The following TRIM31 variants were observed in gnomAD, a reference collection of about 807,000 sequenced individuals.
The protein encoded by TRIM31 is E3 ubiquitin-protein ligase TRIM31.
TRIM31 carries 31 observed loss-of-function variants against 40.6 expected under a neutral mutation model. The ratio of observed to expected loss-of-function variants is 0.76; its 90% CI spans 0.57 to 1.03. TRIM31 has a LOEUF of 1.03. Among genes scored for constraint, TRIM31 ranks in the 50% least tolerant of loss-of-function variants. The pLI, the probability that TRIM31 is intolerant of heterozygous loss-of-function variation, is 0.00. For missense variants in TRIM31, 455 were observed against 497.5 expected, an observed-to-expected ratio of 0.91 and a Z score of 0.81; for synonymous variants, 164 against 193.9, an observed-to-expected ratio of 0.85 and a Z score of 1.28.
At chr6:30,107,970 G>T in intron 6 of TRIM31, 83 bp downstream of exon 6, 2 of 944,496 alleles carry the variant, frequency 2.1e-6, no homozygotes, top group Non-Finnish European at 3.3e-6. Flanking sequence ...GCATGTATGA[G>T]TCACAGTTCC....
In TRIM31 at chr6:30,102,999, A is replaced by T. The variant is rs905710498; in HGVS notation, c.*537T>A. ...GTCTGCTAAATATTTCAGAATGGGG[A>T]CCTCATTCTATCTACTGATTTATCA... is the stretch of plus-strand genomic sequence containing the variant. On this transcript the variant is annotated 3_prime_UTR_variant, in exon 9 of 9. Transcript: ENST00000376734. The T allele has an allele frequency of 1.3e-5, 2 of 158,840 alleles. No individual in the cohort carries two copies. Among genetic ancestry groups the T allele is most frequent in the Admixed American group, 1.2e-4 (2 of 16,592 alleles). The allele number at this position is 158,840 out of a possible 1,614,324, so 9.8% of individuals were successfully genotyped here. A position where few individuals can be genotyped will look rare whatever the true frequency, so the allele number is the denominator to read the frequency against.
At chr6:30,105,063 G>T in intron 7 of TRIM31, 105 bp downstream of exon 7, 2 of 956,610 alleles carry the variant, frequency 2.1e-6, no homozygotes, top group African/African-American at 1.6e-5. Flanking sequence ...TGAGGAATCG[G>T]CATTCACTTA....
chr6:30,109,266 G>GAAC (rs1769056813), intron 4 of TRIM31, among the ~76,000 whole-genome samples: 1 of 152,188 alleles, frequency 6.6e-6, no homozygotes, highest in Non-Finnish European at 1.5e-5. Context: ...ACCTCAAGAA[G>GAAC]AACTGAGTGA....
intron 2 of TRIM31, chr6:30,112,066 G>T: frequency 3.7e-6 from 2 of 546,676 alleles, no homozygotes; most frequent in Non-Finnish European, 3.2e-6. Flanking sequence ...TTTGCCATTT[G>T]AAAGGTGAGG....
rs115523788 is a variant in TRIM31, at chr6:30,103,185, T to C, written c.*351A>G. 5.7e-6 allele frequency: 2 copies of C among 347,902 alleles called. No individual in the cohort carries two copies. Among genetic ancestry groups the C allele is most frequent in the South Asian group, 4.1e-5 (1 of 24,146 alleles). 21.6% of individuals were successfully genotyped at this position (347,902 alleles called of 1,614,324 possible). On this transcript the variant is annotated 3_prime_UTR_variant, in exon 9 of 9. Coordinates refer to ENST00000376734, the MANE Select transcript of TRIM31 (RefSeq NM_007028.5). ...CGGATTTCACTCCTGGCTGAACTGG[T>C]GCCTTCGGTAAACAGCTGCTTAAAG...
In TRIM31 at chr6:30,103,591, A is replaced by G; in HGVS notation, c.1223T>C (p.Leu408Pro). The G allele has an allele frequency of 6.2e-7, 1 of 1,613,116 alleles. No individual in the cohort carries two copies. The highest frequency in any genetic ancestry group is 1.7e-5 in the Admixed American group (1 of 60,026). Residue 408 changes from leucine (L) to proline (P), a missense_variant, in exon 9 of 9, where the codon CTG becomes CCG. Coordinates refer to ENST00000376734, the MANE Select transcript of TRIM31 (RefSeq NM_007028.5). ...CCGGATCGCTGTCAGCCACTCACTC[A>G]GTGCCGCATGGAGCTCCTCGGACAG... ...VALSEELHAA[L>P]SEWLTAIRAW...
chr6:30,108,993 T>A, intron 5 of TRIM31, 33 bp downstream of exon 5: 1 of 1,611,056 alleles, frequency 6.2e-7, no homozygotes, highest in South Asian at 1.1e-5. Context: ...GATGAATCAG[T>A]AGGCAAAATA....
intron 4 of TRIM31, 25 bp from the exon 5 acceptor site, chr6:30,109,073 A>C (rs752185883): frequency 5.6e-6 from 9 of 1,612,896 alleles, no homozygotes; most frequent in Non-Finnish European, 6.8e-6. Flanking sequence ...GAAACAGCAC[A>C]GCCTCAGCAC....
intron 7 of TRIM31, among the ~76,000 whole-genome samples, chr6:30,104,634 T>C (rs1156507724): frequency 6.6e-6 from 1 of 152,362 alleles, no homozygotes; most frequent in African/African-American, 2.4e-5. Flanking sequence ...TCACTGTAAG[T>C]TGCAGATAAT....
At position 30,103,367 on chromosome 6, in the gene TRIM31, A is replaced by T; in HGVS notation, c.*169T>A. 1.2e-6 allele frequency: 1 copy of T among 841,726 alleles called. No homozygotes were observed. Among genetic ancestry groups the T allele is most frequent in the Non-Finnish European group, 1.9e-6 (1 of 536,782 alleles). 52.1% of individuals were successfully genotyped at this position (841,726 alleles called of 1,614,324 possible). On this transcript the variant is annotated 3_prime_UTR_variant, in exon 9 of 9. Transcript: ENST00000376734. The stretch of plus-strand genomic sequence containing the variant: ...TCCTTCTCCAACTCTCTTCACCACC[A>T]CCCCCGCCCCCATCTCCACTCTCAG...
In TRIM31 at chr6:30,108,948, G is replaced by A. The variant is rs979300052; in HGVS notation, c.767+78C>T. 2.7e-6 allele frequency: 4 copies of A among 1,464,464 alleles called. No individual in the cohort carries two copies. In the African/African-American group the frequency reaches 5.5e-5, roughly 20 times the overall value. The allele number at this position is 1,464,464 out of a possible 1,614,324, so 90.7% of individuals were successfully genotyped here. A position where few individuals can be genotyped will look rare whatever the true frequency, so the allele number is the denominator to read the frequency against. On this transcript the variant is annotated intron_variant, in intron 5 of 8. Coordinates refer to ENST00000376734, the MANE Select transcript of TRIM31 (RefSeq NM_007028.5). ...TGGGTATTTCTGAGAGAGGAATGTT[G>A]ACTGCATTTGGATATACGCTGAGAA...
At chr6:30,107,603 T>C (rs1056810316) in intron 6 of TRIM31, 3 of 156,176 alleles carry the variant, frequency 1.9e-5, no homozygotes, top group African/African-American at 7.2e-5. Flanking sequence ...CCTGTAAGGC[T>C]GGAAGAGGTT....
rs1769505784 is a variant in TRIM31 at position 30,112,854 on chromosome 6, T to C, written c.-49A>G. 1 of 1,535,272 alleles carries C rather than the reference T, an allele frequency of 6.5e-7. No individual in the cohort carries two copies. Among genetic ancestry groups the C allele is most frequent in the African/African-American group, 1.4e-5 (1 of 72,362 alleles). On this transcript the variant is annotated 5_prime_UTR_variant, in exon 2 of 9. Transcript: ENST00000376734. ...AGACTGTAGGAAGCTGTGCCAAGTC[T>C]GTAGGAGCCCCGGAGTCCACTGTGG...
rs1233980335 is a variant in TRIM31, at chr6:30,103,449, C to G, written c.*87G>C. The G allele has an allele frequency of 1.3e-6, 2 of 1,568,794 alleles. No individual in the cohort carries two copies. Among genetic ancestry groups the G allele is most frequent in the Non-Finnish European group, 1.7e-6 (2 of 1,159,246 alleles). ...GACCCAATTCCACTAAGTCAAGAACCGTGGTCGGTCTCAGCCACTCACTCA... is the reference window on the plus strand; with the variant it reads ...GACCCAATTCCACTAAGTCAAGAACGGTGGTCGGTCTCAGCCACTCACTCA... On this transcript the variant is annotated 3_prime_UTR_variant, in exon 9 of 9. Transcript: ENST00000376734.
chr6:30,112,937 CAATTA>C (rs1769514193), intron 1 of TRIM31, 49 bp from the exon 2 acceptor site: 1 of 784,040 alleles, frequency 1.3e-6, no homozygotes, highest in Non-Finnish European at 1.9e-6. Context: ...GAGATTCTGC[CAATTA>C]GTTAGAAGAG....
At chr6:30,106,808 G>T (rs1023483730) in intron 6 of TRIM31, among the ~76,000 whole-genome samples, 2 of 152,194 alleles carry the variant, frequency 1.3e-5, no homozygotes, top group Admixed American at 6.5e-5. Flanking sequence ...AGCCTAGAAA[G>T]GTGCTGGATC....
At chr6:30,111,602 A>C in intron 3 of TRIM31, 46 bp downstream of exon 3, 20 of 1,574,130 alleles carry the variant, frequency 1.3e-5, no homozygotes, top group East Asian at 4.5e-5. Context: ...GAGCTTTGGC[A>C]GAGATGTTTC....
chr6:30,105,388 G>A (rs955194751), intron 6 of TRIM31, 146 bp from the exon 7 acceptor site: 31 of 637,170 alleles, frequency 4.9e-5, no homozygotes, highest in Non-Finnish European at 8.2e-5. Context: ...GACCAGGAAG[G>A]TATGCAACCC....
chr6:30,110,185 C>A (rs1218100489), intron 4 of TRIM31, among the ~76,000 whole-genome samples: 14 of 149,036 alleles, frequency 9.4e-5, no homozygotes, highest in Admixed American at 9.3e-4. Flanking sequence ...TTTAATGTGA[C>A]TAACTAGAAA....
Sources: gnomAD v4.1 joint callset for allele counts (sites outside exome capture counted in the v4.1 genomes callset) on GRCh38, gnomAD v4.1.1 for gene constraint, MANE v1.5 for transcripts, NCBI Gene and HGNC (gene_info 2026-07-23, HGNC 2026-07-21) for gene names.